Variants in FOXP2 observed in about 807,000 individuals in gnomAD.
FOXP2 encodes the protein forkhead box P2, also known as forkhead box protein P2.
A neutral mutation model predicts 115.8 loss-of-function variants in FOXP2; 12 were observed. The ratio of observed to expected loss-of-function variants is 0.10; its 90% CI spans 0.07 to 0.17. FOXP2 has a LOEUF of 0.17. Ranked by LOEUF, FOXP2 falls within the 10% of genes least tolerant of loss-of-function variation. FOXP2 has a pLI of 1.00. For missense variants in FOXP2, 629 were observed against 843.5 expected (o/e 0.75, Z 3.15); for synonymous variants, 328 against 297.7 (o/e 1.10, Z -1.05).
chr7:114,498,749 G>A (rs1035934453), intron 2 of FOXP2: 3 of 668,466 alleles, frequency 4.5e-6, no homozygotes, highest in Non-Finnish European at 8.2e-6. Context: ...AAGCTATTCA[G>A]CAGCATCTTA....
chr7:114,688,249 C>CTT (rs111370043), intron 16 of FOXP2, among the ~76,000 whole-genome samples: 42,196 of 116,456 alleles, frequency 0.36, 8,763 homozygotes, highest in Non-Finnish European at 0.49. Context: ...ACACACACAT[C>CTT]TTTTTTTTTT....
chr7:114,153,056 A>G (rs578159986), intron 1 of FOXP2, among the ~76,000 whole-genome samples: 7 of 152,294 alleles, frequency 4.6e-5, no homozygotes, highest in Non-Finnish European at 1.0e-4. Context: ...CTTATTGCTT[A>G]TGGGAAAGAA....
At chr7:114,209,399 G>C (rs954769206) in intron 1 of FOXP2, among the ~76,000 whole-genome samples, 1 of 152,116 alleles carries the variant, frequency 6.6e-6, no homozygotes, top group Non-Finnish European at 1.5e-5. Context: ...TTTCTCTTTT[G>C]CTAGGAAGCT....
intron 1 of FOXP2, among the ~76,000 whole-genome samples, chr7:114,098,119 T>A (rs999925245): frequency 6.6e-6 from 1 of 152,126 alleles, no homozygotes; most frequent in Non-Finnish European, 1.5e-5. Context: ...AAGAACAAAT[T>A]GTTAGTTTGA....
chr7:114,381,904 A>T (rs899060529), intron 2 of FOXP2, among the ~76,000 whole-genome samples: 1 of 152,000 alleles, frequency 6.6e-6, no homozygotes, highest in African/African-American at 2.4e-5. Flanking sequence ...CTTGAACAGG[A>T]CGGGCATTCT....
intron 2 of FOXP2, among the ~76,000 whole-genome samples, chr7:114,400,048 G>A (rs35624276): frequency 0.44 from 67,317 of 151,340 alleles, 17,734 homozygotes; most frequent in East Asian, 0.95. Flanking sequence ...GTAGAGACGG[G>A]GGGGTTTCAC....
At chr7:114,192,169 T>TGGACTACAGGC (rs1554429049) in intron 1 of FOXP2, among the ~76,000 whole-genome samples, 23 of 152,202 alleles carry the variant, frequency 1.5e-4, no homozygotes, top group Non-Finnish European at 2.5e-4. Flanking sequence ...GTATTTGTAG[T>TGGACTACAGGC]AGAGACGGGG....
intron 1 of FOXP2, among the ~76,000 whole-genome samples, chr7:114,419,648 C>A (rs1336670651): frequency 6.6e-6 from 1 of 151,100 alleles, no homozygotes. Flanking sequence ...TCAAGAATAA[C>A]GTATAAACTA....
chr7:114,602,609 C>T (rs960619174), intron 3 of FOXP2, among the ~76,000 whole-genome samples: 3 of 151,968 alleles, frequency 2.0e-5, no homozygotes, highest in Admixed American at 6.6e-5. Flanking sequence ...AGTGAAAAAC[C>T]TACATTTCAC....
intron 2 of FOXP2, among the ~76,000 whole-genome samples, chr7:114,437,346 G>A (rs1383504071): frequency 6.6e-6 from 1 of 152,180 alleles, no homozygotes; most frequent in East Asian, 1.9e-4. Flanking sequence ...TAGGCAGCAG[G>A]TGTTTCCCAA....
chr7:114,576,375 C>G lies in FOXP2; in HGVS notation c.258+41669C>G, dbSNP rs530042438. On this transcript the variant is annotated intron_variant, in intron 3 of 16. Coordinates refer to ENST00000350908, the MANE Select transcript of FOXP2 (RefSeq NM_014491.4). ...AGAAACTTCTCCTGAGTGGTTGCCC[C>G]TCACCTTCTATTTCATTGTAATATT... Among the ~76,000 whole-genome samples, 5 of 151,724 alleles carry G rather than the reference C, an allele frequency of 3.3e-5. No individual in the cohort carries two copies. The East Asian group carries it at 9.7e-4, about 29-fold the overall frequency.
Position 114,176,303 on chromosome 7 carries a change from TCTC to T in FOXP2, c.-102+13216_-102+13218del, listed in dbSNP as rs1562992958. ...TTCTTTCTTTCTTTCTTTCTTTCTC[TCTC>T]TCTCTCTCTCTCTCTTTCTTTTTCT... is the stretch of plus-strand genomic sequence containing the variant. On this transcript the variant is annotated intron_variant, in intron 1 of 17. Transcript: ENST00000634411. 4.3e-4 allele frequency among the ~76,000 whole-genome samples: 63 copies of T among 145,024 alleles called. 1 individual carries two copies. The highest frequency in any genetic ancestry group is 1.6e-3 in the African/African-American group (61 of 37,840).
chr7:114,353,334 C>CTTTTTTTTTTTTTTT (rs138925770), intron 2 of FOXP2, among the ~76,000 whole-genome samples: 1 of 64,114 alleles, frequency 1.6e-5, no homozygotes. Context: ...ATAGGAGCCT[C>CTTTTTTTTTTTTTTT]TTTTTTTTTT....
rs1040510238 is a variant in FOXP2 at position 114,292,293 on chromosome 7, T to G, written c.-11+4184T>G. Among the ~76,000 whole-genome samples, 3 of 152,120 alleles carry G rather than the reference T, an allele frequency of 2.0e-5. No individual in the cohort carries two copies. In the East Asian group the frequency reaches 5.8e-4, roughly 29 times the overall value. On this transcript the variant is annotated intron_variant, in intron 2 of 17. Transcript: ENST00000634411. Reference sequence around the variant, plus strand: ...TTACTTTAACGTTTTATAATTATGTTATAGTTAATAATAAGAATATTGTTG... The same window carrying G: ...TTACTTTAACGTTTTATAATTATGTGATAGTTAATAATAAGAATATTGTTG...
At chr7:114,332,878 C>T (rs1797746565) in intron 2 of FOXP2, among the ~76,000 whole-genome samples, 1 of 152,156 alleles carries the variant, frequency 6.6e-6, no homozygotes, top group South Asian at 2.1e-4. Flanking sequence ...GGAGGAAAAA[C>T]ATGCTACATT....
intron 1 of FOXP2, among the ~76,000 whole-genome samples, chr7:114,216,352 A>C (rs550874010): frequency 6.6e-6 from 1 of 152,260 alleles, no homozygotes; most frequent in Admixed American, 6.5e-5. Context: ...TCCAATTCAA[A>C]TTGCTATTAT....
chr7:114,249,392 G>A (rs1455347687), intron 1 of FOXP2, among the ~76,000 whole-genome samples: 2 of 151,696 alleles, frequency 1.3e-5, no homozygotes, highest in Non-Finnish European at 2.9e-5. Context: ...AGGCCCCAAT[G>A]TGTGTTGTTC....
intron 1 of FOXP2, among the ~76,000 whole-genome samples, chr7:114,174,970 T>C (rs946424714): frequency 4.6e-5 from 7 of 152,128 alleles, no homozygotes; most frequent in African/African-American, 1.4e-4. Flanking sequence ...AATTTGAATC[T>C]TGTGACTGCT....
At chr7:114,331,286 GA>G (rs1305727021) in intron 2 of FOXP2, among the ~76,000 whole-genome samples, 2 of 152,146 alleles carry the variant, frequency 1.3e-5, no homozygotes, top group Admixed American at 6.5e-5. Context: ...CTGTTATAAA[GA>G]ATTTTAAAAT....
Sources: gnomAD v4.1 joint callset for allele counts (sites outside exome capture counted in the v4.1 genomes callset) on GRCh38, gnomAD v4.1.1 for gene constraint, MANE v1.5 for transcripts, NCBI Gene and HGNC (gene_info 2026-07-23, HGNC 2026-07-21) for gene names.